The following GALNT13 variants were observed in gnomAD, a reference collection of about 807,000 sequenced individuals.
GALNT13 encodes UDP-GalNAc:polypeptide N-acetylgalactosaminyltransferase 13.
A neutral mutation model predicts 64.2 loss-of-function variants in GALNT13; 28 were observed. The ratio of observed to expected loss-of-function variants is 0.44; its 90% CI spans 0.32 to 0.60. The LOEUF is 0.60. Ranked by LOEUF, GALNT13 falls within the 20% of genes least tolerant of loss-of-function variation. The pLI is 0.05. For synonymous variants in GALNT13, 214 were observed against 224.6 expected, an observed-to-expected ratio of 0.95 and a Z score of 0.42; for missense variants, 577 against 669.8, an observed-to-expected ratio of 0.86 and a Z score of 1.53.
the GALNT13 span, among the ~76,000 whole-genome samples, chr2:153,656,113 T>A: frequency 6.6e-6 from 1 of 152,158 alleles, no homozygotes; most frequent in Non-Finnish European, 1.5e-5. Context: ...CTTAGTACTA[T>A]CTAATTTTAA....
At chr2:153,587,134 C>A in the GALNT13 span, among the ~76,000 whole-genome samples, 1 of 150,302 alleles carries the variant, frequency 6.7e-6, no homozygotes. Context: ...CTCCGGAGGC[C>A]TAGACACAAG....
At chr2:153,511,862 G>T in the GALNT13 span, among the ~76,000 whole-genome samples, 1 of 152,112 alleles carries the variant, frequency 6.6e-6, no homozygotes, top group Non-Finnish European at 1.5e-5. Flanking sequence ...AGGGATAGGT[G>T]GTCAGCCAAA....
At chr2:153,800,212 G>T in the GALNT13 span, among the ~76,000 whole-genome samples, 1 of 151,944 alleles carries the variant, frequency 6.6e-6, no homozygotes, top group African/African-American at 2.4e-5. Context: ...GGCTTTCTTA[G>T]TACATATGAA....
intron 3 of GALNT13, among the ~76,000 whole-genome samples, chr2:154,023,549 A>G (rs796072677): frequency 6.6e-6 from 1 of 152,232 alleles, no homozygotes; most frequent in African/African-American, 2.4e-5. Flanking sequence ...TTTGCTTGGT[A>G]GATCTTCCTC....
intron 2 of GALNT13, among the ~76,000 whole-genome samples, chr2:153,917,851 G>C (rs1451036908): frequency 2.0e-5 from 3 of 150,940 alleles, no homozygotes; most frequent in Non-Finnish European, 4.4e-5. Flanking sequence ...GAGGATAGAA[G>C]CAGAGAGAGA....
the GALNT13 span, among the ~76,000 whole-genome samples, chr2:153,433,787 T>G: frequency 2.0e-5 from 3 of 152,110 alleles, no homozygotes; most frequent in African/African-American, 7.2e-5. Context: ...TTGAAAAAAT[T>G]AGAAATAATG....
At chr2:153,615,530 A>G in the GALNT13 span, among the ~76,000 whole-genome samples, 1 of 152,058 alleles carries the variant, frequency 6.6e-6, no homozygotes, top group Non-Finnish European at 1.5e-5. Context: ...CATCCTCACC[A>G]GCTTTGTTAT....
At chr2:154,440,590 T>G (rs1045381889) in intron 12 of GALNT13, among the ~76,000 whole-genome samples, 10 of 152,156 alleles carry the variant, frequency 6.6e-5, no homozygotes, top group Admixed American at 1.3e-4. Context: ...TACTTTGACT[T>G]TGGAACACAC....
chr2:153,611,679 CTTTTTTTTTT>C, the GALNT13 span, among the ~76,000 whole-genome samples: 51 of 104,392 alleles, frequency 4.9e-4, no homozygotes, highest in African/African-American at 1.6e-3. Flanking sequence ...ACATTTTTAC[CTTTTTTTTTT>C]TTTTTTTTTT....
chr2:154,204,808 C>T (rs1240853679), intron 4 of GALNT13, among the ~76,000 whole-genome samples: 4 of 152,186 alleles, frequency 2.6e-5, no homozygotes, highest in Non-Finnish European at 4.4e-5. Flanking sequence ...TCCATGCCTT[C>T]GCCAGTACTA....
chr2:153,790,957 A>C, the GALNT13 span, among the ~76,000 whole-genome samples: 4 of 152,226 alleles, frequency 2.6e-5, no homozygotes, highest in Non-Finnish European at 5.9e-5. Context: ...AAGAGATGAC[A>C]CAAACAAATG....
intron 3 of GALNT13, among the ~76,000 whole-genome samples, chr2:153,984,750 G>T (rs1255233307): frequency 6.6e-6 from 1 of 151,634 alleles, no homozygotes; most frequent in East Asian, 1.9e-4. Flanking sequence ...ATAGCTTATT[G>T]TTCTACATAT....
chr2:153,667,949 C>CA, the GALNT13 span, among the ~76,000 whole-genome samples: 1 of 151,606 alleles, frequency 6.6e-6, no homozygotes, highest in African/African-American at 2.4e-5. Context: ...AAAAGGAAAA[C>CA]AAAAAAAGCA....
chr2:153,707,386 T>C, the GALNT13 span, among the ~76,000 whole-genome samples: 1 of 152,138 alleles, frequency 6.6e-6, no homozygotes, highest in Non-Finnish European at 1.5e-5. Flanking sequence ...CTATAGAGAA[T>C]CTTGATTATA....
chr2:153,674,769 C>A, the GALNT13 span, among the ~76,000 whole-genome samples: 11 of 152,106 alleles, frequency 7.2e-5, no homozygotes, highest in South Asian at 2.1e-4. Context: ...GGGCAACCTA[C>A]AGAATGGGAG....
the GALNT13 span, among the ~76,000 whole-genome samples, chr2:153,746,706 G>A: frequency 6.6e-5 from 10 of 152,116 alleles, no homozygotes; most frequent in Non-Finnish European, 1.2e-4. Context: ...TGCCAAATAG[G>A]CAGGGCTTGA....
intron 9 of GALNT13, among the ~76,000 whole-genome samples, chr2:154,306,293 C>T (rs1693726864): frequency 6.6e-6 from 1 of 151,918 alleles, no homozygotes. Context: ...TAATGCTATC[C>T]CTCCCCTAAC....
At chr2:154,067,973 A>G (rs1700555003) in intron 3 of GALNT13, among the ~76,000 whole-genome samples, 1 of 152,078 alleles carries the variant, frequency 6.6e-6, no homozygotes, top group Non-Finnish European at 1.5e-5. Context: ...CTGACAAGGG[A>G]TTATAAACCA....
chr2:154,354,179 C>T (rs1339108870), intron 9 of GALNT13, among the ~76,000 whole-genome samples: 7 of 152,058 alleles, frequency 4.6e-5, no homozygotes, highest in Non-Finnish European at 7.4e-5. Flanking sequence ...TTTCATATAC[C>T]TGTTGGCATT....
Sources: gnomAD v4.1 joint callset for allele counts (sites outside exome capture counted in the v4.1 genomes callset) on GRCh38, gnomAD v4.1.1 for gene constraint, MANE v1.5 for transcripts, NCBI Gene and HGNC (gene_info 2026-07-23, HGNC 2026-07-21) for gene names.